ABCG2: variants seen among roughly 807,000 people sequenced by gnomAD.
ABCG2 encodes the protein ATP binding cassette subfamily G member 2 (JR blood group).
A neutral mutation model predicts 73.5 loss-of-function variants in ABCG2; 80 were observed. The ratio of observed to expected loss-of-function variants is 1.09; its 90% CI spans 0.91 to 1.31. ABCG2 has a LOEUF of 1.31. Ranked by LOEUF, ABCG2 falls within the 50% of genes most tolerant of loss-of-function variation. ABCG2 has a pLI of 0.00. For synonymous variants in ABCG2, 269 were observed against 282.4 expected, an observed-to-expected ratio of 0.95 and a Z score of 0.48; for missense variants, 796 against 786.2, an observed-to-expected ratio of 1.01 and a Z score of -0.15.
At chr4:88,095,307 GC>G (rs909833198) in intron 14 of ABCG2, among the ~76,000 whole-genome samples, 13 of 152,132 alleles carry the variant, frequency 8.5e-5, no homozygotes, top group African/African-American at 3.1e-4. Context: ...ATCTCCCCTA[GC>G]CCTTTAAAGG....
intron 1 of ABCG2, among the ~76,000 whole-genome samples, chr4:88,215,257 T>C (rs184855189): frequency 9.2e-5 from 14 of 152,104 alleles, no homozygotes; most frequent in Admixed American, 9.2e-4. Context: ...ATTTAGAATA[T>C]AGCATGTTGG....
At position 88,217,206 on chromosome 4, in the gene ABCG2, TATA is replaced by T. The variant is rs1241472874; in HGVS notation, c.-20+13785_-20+13787del. Among the ~76,000 whole-genome samples the T allele has an allele frequency of 3.9e-5, 6 of 152,160 alleles. No homozygotes were observed. In the East Asian group the frequency reaches 1.2e-3, roughly 29 times the overall value. Reference sequence around the variant, plus strand: ...GAAGTCTCATATTCTCAAAATTCAGTATATACCTAGATCTTACAGAGCAGCTGG... The same window carrying T: ...GAAGTCTCATATTCTCAAAATTCAGTTACCTAGATCTTACAGAGCAGCTGG... On this transcript the variant is annotated intron_variant, in intron 1 of 15. Transcript: ENST00000515655.
intron 1 of ABCG2, among the ~76,000 whole-genome samples, chr4:88,200,522 G>A (rs958589040): frequency 6.6e-6 from 1 of 151,920 alleles, no homozygotes; most frequent in African/African-American, 2.4e-5. Context: ...AATCAATAAA[G>A]GTCAGAAAAT....
chr4:88,110,308 G>A (rs1163691536), intron 9 of ABCG2, among the ~76,000 whole-genome samples: 2 of 152,034 alleles, frequency 1.3e-5, no homozygotes, highest in African/African-American at 4.8e-5. Context: ...GTGGGGGACT[G>A]AAGCGGGTGG....
Position 88,118,266 on chromosome 4 carries a change from T to C in ABCG2, c.690-6A>G. On this transcript the variant is annotated splice_region_variant and splice_polypyrimidine_tract_variant and intron_variant, in intron 6 of 15. Coordinates refer to ENST00000237612, the MANE Select transcript of ABCG2 (RefSeq NM_004827.3). ...TTCGTCCCTGCTTAGACATCCTAAG[T>C]TAAAAGTGAGACAATACTAAGTCAT... 1 of 1,613,464 alleles carries C rather than the reference T, an allele frequency of 6.2e-7. No homozygotes were observed.
At chr4:88,121,601 A>G in intron 6 of ABCG2, 34 bp downstream of exon 6, 17 of 1,601,300 alleles carry the variant, frequency 1.1e-5, no homozygotes, top group Non-Finnish European at 1.4e-5. Context: ...GTGATAAGAT[A>G]TTAACTAAAG....
chr4:88,222,653 G>C (rs6813416), intron 1 of ABCG2, among the ~76,000 whole-genome samples: 10,087 of 152,274 alleles, frequency 0.066, 427 homozygotes, highest in Non-Finnish European at 0.1. Flanking sequence ...TTTATCAGCA[G>C]TGTGAAAATG....
At chr4:88,143,328 C>T (rs1287265167) in intron 1 of ABCG2, among the ~76,000 whole-genome samples, 1 of 152,174 alleles carries the variant, frequency 6.6e-6, no homozygotes, top group African/African-American at 2.4e-5. Flanking sequence ...CCAATTCCAA[C>T]ACTAGCAATC....
chr4:88,211,489 T>TCACTGCAACCTCCGCC (rs1729598940), intron 1 of ABCG2, among the ~76,000 whole-genome samples: 1 of 152,146 alleles, frequency 6.6e-6, no homozygotes, highest in Non-Finnish European at 1.5e-5. Flanking sequence ...CGATCTCCGC[T>TCACTGCAACCTCCGCC]CACTGCAACC....
rs184320747 is a variant in ABCG2, at chr4:88,202,844, G to C, written c.-20+28150C>G. Among the ~76,000 whole-genome samples the C allele has an allele frequency of 1.2e-3, 181 of 152,158 alleles. 1 individual carries two copies. The highest frequency in any genetic ancestry group is 3.4e-3 in the Middle Eastern group (1 of 294). The stretch of plus-strand genomic sequence containing the variant: ...ACTGCACTCCAGCCAGGTCAACAGA[G>C]AGGGACCCTGTCTCTAAAAATAGTA... On this transcript the variant is annotated intron_variant, in intron 1 of 15. Coordinates refer to the ABCG2 transcript ENST00000515655.
At chr4:88,227,396 A>T (rs1289159244) in intron 1 of ABCG2, among the ~76,000 whole-genome samples, 1 of 152,182 alleles carries the variant, frequency 6.6e-6, no homozygotes, top group African/African-American at 2.4e-5. Flanking sequence ...ACTCTGTCTC[A>T]AAATAAATAA....
At chr4:88,229,367 A>C (rs1338249243) in intron 1 of ABCG2, among the ~76,000 whole-genome samples, 2 of 152,148 alleles carry the variant, frequency 1.3e-5, no homozygotes, top group Admixed American at 1.3e-4. Context: ...GGCTGGACAC[A>C]GTGGCTCACA....
chr4:88,197,837 G>C (rs1211946791), intron 1 of ABCG2, among the ~76,000 whole-genome samples: 1 of 151,552 alleles, frequency 6.6e-6, no homozygotes, highest in Non-Finnish European at 1.5e-5. Context: ...TTCAAGACCA[G>C]CCTGGCCAGC....
At chr4:88,221,742 T>G (rs1249680466) in intron 1 of ABCG2, among the ~76,000 whole-genome samples, 1 of 152,108 alleles carries the variant, frequency 6.6e-6, no homozygotes, top group East Asian at 1.9e-4. Flanking sequence ...TTGAGAGGGA[T>G]GATTTAGGGT....
At chr4:88,157,426 G>A (rs1284359953) in intron 1 of ABCG2, among the ~76,000 whole-genome samples, 1 of 152,164 alleles carries the variant, frequency 6.6e-6, no homozygotes, top group Non-Finnish European at 1.5e-5. Context: ...TCCAAATAAA[G>A]TCTGTAGTTT....
intron 1 of ABCG2, among the ~76,000 whole-genome samples, chr4:88,197,736 TTGAGGCTAG>T (rs1728992204): frequency 6.6e-6 from 1 of 151,826 alleles, no homozygotes; most frequent in South Asian, 2.1e-4. Context: ...GACCTGGGGT[TTGAGGCTAG>T]TGAGCTATAA....
At chr4:88,182,422 C>T (rs1411767444) in intron 1 of ABCG2, among the ~76,000 whole-genome samples, 1 of 152,096 alleles carries the variant, frequency 6.6e-6, no homozygotes, top group African/African-American at 2.4e-5. Flanking sequence ...ATTTACAGAA[C>T]ATTTATCCAA....
At chr4:88,115,177 A>T (rs1723450148) in intron 7 of ABCG2, 119 bp from the exon 8 acceptor site, 3 of 589,630 alleles carry the variant, frequency 5.1e-6, no homozygotes, top group Non-Finnish European at 8.9e-6. Flanking sequence ...ACTTTTCCTT[A>T]ACTTTCTTTC....
intron 10 of ABCG2, 146 bp downstream of exon 10, chr4:88,107,038 T>C: frequency 3.2e-6 from 2 of 621,170 alleles, no homozygotes; most frequent in South Asian, 4.4e-5. Context: ...CATGACTCTG[T>C]CTCAAAAATA....
Sources: gnomAD v4.1 joint callset for allele counts (sites outside exome capture counted in the v4.1 genomes callset) on GRCh38, gnomAD v4.1.1 for gene constraint, MANE v1.5 for transcripts, NCBI Gene and HGNC (gene_info 2026-07-23, HGNC 2026-07-21) for gene names.